CADM2: variants seen among roughly 807,000 people sequenced by gnomAD.
CADM2 encodes the protein immunoglobulin superfamily member 4D.
A neutral mutation model predicts 49.8 loss-of-function variants in CADM2; 12 were observed. That is an observed-to-expected ratio of 0.24 (90% confidence interval 0.15 to 0.39). The LOEUF is 0.39. CADM2 is among the 10% of genes least tolerant of loss of function. The pLI, the probability that CADM2 is intolerant of heterozygous loss-of-function variation, is 1.00. For synonymous variants in CADM2, 214 were observed against 175.4 expected, an observed-to-expected ratio of 1.22 and a Z score of -1.74; for missense variants, 378 against 492.3, an observed-to-expected ratio of 0.77 and a Z score of 2.20.
chr3:85,251,822 G>A (rs866461161), intron 1 of CADM2, among the ~76,000 whole-genome samples: 3 of 151,856 alleles, frequency 2.0e-5, no homozygotes, highest in Admixed American at 6.6e-5. Flanking sequence ...TTTTTATACC[G>A]AAAGCACTCA....
chr3:85,931,243 G>T (rs1158652543), intron 6 of CADM2, among the ~76,000 whole-genome samples: 3 of 151,804 alleles, frequency 2.0e-5, no homozygotes, highest in Non-Finnish European at 4.4e-5. Context: ...AAGAAAGTAA[G>T]AAAGAGATAA....
intron 1 of CADM2, among the ~76,000 whole-genome samples, chr3:85,212,812 C>CTCCTTCTTTCTTTCTT (rs1553696299): frequency 9.8e-6 from 1 of 102,542 alleles, no homozygotes; most frequent in Non-Finnish European, 2.0e-5. Context: ...TCTTTTTCTT[C>CTCCTTCTTTCTTTCTT]TCTTTCTTTC....
intron 7 of CADM2, among the ~76,000 whole-genome samples, chr3:85,939,504 A>ACACACACACAC (rs1721587998): frequency 3.9e-5 from 2 of 51,288 alleles, no homozygotes; most frequent in Admixed American, 2.1e-4. Flanking sequence ...CACACACACA[A>ACACACACACAC]CATGAAACCT....
At chr3:85,426,377 C>G (rs187186549) in intron 1 of CADM2, among the ~76,000 whole-genome samples, 1 of 152,246 alleles carries the variant, frequency 6.6e-6, no homozygotes, top group Admixed American at 6.5e-5. Flanking sequence ...AGAGACCCTA[C>G]TGCCTCTGCC....
At chr3:85,372,709 GAA>G (rs2033339443) in intron 1 of CADM2, among the ~76,000 whole-genome samples, 1 of 152,030 alleles carries the variant, frequency 6.6e-6, no homozygotes, top group Non-Finnish European at 1.5e-5. Flanking sequence ...AATTTATAAA[GAA>G]AAGAGATTTA....
At chr3:85,732,987 G>A (rs1043094307) in intron 2 of CADM2, among the ~76,000 whole-genome samples, 1 of 152,242 alleles carries the variant, frequency 6.6e-6, no homozygotes, top group Middle Eastern at 3.4e-3. Flanking sequence ...CACCCAGATG[G>A]GAGTAGGGTT....
In CADM2 at chr3:85,470,545, G is replaced by T. The variant is rs12491967; in HGVS notation, c.62-255977G>T. On this transcript the variant is annotated intron_variant, in intron 1 of 9. Transcript: ENST00000383699. Reference sequence around the variant, plus strand: ...GTCTGAAATGAAAACTATATGAATGGGTATCCTCCCAATTCTGGAAATGAT... The same window carrying T: ...GTCTGAAATGAAAACTATATGAATGTGTATCCTCCCAATTCTGGAAATGAT... 4.6e-5 allele frequency among the ~76,000 whole-genome samples: 7 copies of T among 152,150 alleles called. No homozygotes were observed. In the South Asian group the frequency reaches 1.5e-3, roughly 32 times the overall value.
At chr3:85,487,636 C>T (rs1413618182) in intron 1 of CADM2, among the ~76,000 whole-genome samples, 2 of 124,218 alleles carry the variant, frequency 1.6e-5, no homozygotes, top group South Asian at 2.5e-4. Context: ...AGGAGGAGGA[C>T]GAAGAGGAGG....
intron 3 of CADM2, among the ~76,000 whole-genome samples, chr3:85,818,003 TC>T (rs1188512465): frequency 1.3e-5 from 2 of 152,094 alleles, no homozygotes; most frequent in African/African-American, 4.8e-5. Flanking sequence ...TCATTTAAGG[TC>T]TTAAGCAGTT....
At chr3:85,811,185 G>T (rs1037933153) in intron 3 of CADM2, among the ~76,000 whole-genome samples, 1 of 152,088 alleles carries the variant, frequency 6.6e-6, no homozygotes, top group Admixed American at 6.6e-5. Context: ...GAAATTATAT[G>T]CCTACTTTTG....
At chr3:85,077,143 A>C (rs1462676281) in intron 1 of CADM2, among the ~76,000 whole-genome samples, 2 of 152,188 alleles carry the variant, frequency 1.3e-5, no homozygotes, top group South Asian at 2.1e-4. Flanking sequence ...TAATAGATCA[A>C]AGTGCTCTTT....
At position 85,481,229 on chromosome 3, in the gene CADM2, G is replaced by GATATATATATATAT. The variant is rs3086137; in HGVS notation, c.62-245288_62-245275dup. 2.2e-3 allele frequency among the ~76,000 whole-genome samples: 316 copies of GATATATATATATAT among 144,936 alleles called. 1 individual carries two copies. The highest frequency in any genetic ancestry group is 6.4e-3 in the African/African-American group (257 of 39,914). ...GCATATACACAAATTATATATATTG[G>GATATATATATATAT]ATATATATATATATATATGTTTTGT... On this transcript the variant is annotated intron_variant, in intron 1 of 9. Coordinates refer to ENST00000383699, the MANE Select transcript of CADM2 (RefSeq NM_001167675.2).
intron 2 of CADM2, among the ~76,000 whole-genome samples, chr3:85,768,806 CA>C (rs1427575606): frequency 9.9e-6 from 1 of 101,316 alleles, no homozygotes; most frequent in Non-Finnish European, 1.8e-5. Context: ...CACATATATA[CA>C]TATATAGTAT....
At chr3:85,822,028 A>G (rs2073609880) in intron 3 of CADM2, among the ~76,000 whole-genome samples, 1 of 152,320 alleles carries the variant, frequency 6.6e-6, no homozygotes, top group East Asian at 1.9e-4. Context: ...AAATGTCTAT[A>G]TGCATATTTA....
chr3:86,000,330 G>A (rs750074092), intron 8 of CADM2, among the ~76,000 whole-genome samples: 1 of 152,062 alleles, frequency 6.6e-6, no homozygotes, highest in Non-Finnish European at 1.5e-5. Context: ...GAAAAAGAGG[G>A]CTTAGTAGGA....
At position 85,381,045 on chromosome 3, in the gene CADM2, A is replaced by G. The variant is rs144257543; in HGVS notation, c.62-345477A>G. Among the ~76,000 whole-genome samples, 1,084 of 152,182 alleles carry G rather than the reference A, an allele frequency of 7.1e-3. 6 individuals carry two copies. The highest frequency in any genetic ancestry group is 0.011 in the Admixed American group (169 of 15,258). ...GTGTAGCTATGAAATCGTTAAATTAACAGAGCTAGTATTTACTAATAACCA... is the reference window on the plus strand; with the variant it reads ...GTGTAGCTATGAAATCGTTAAATTAGCAGAGCTAGTATTTACTAATAACCA... On this transcript the variant is annotated intron_variant, in intron 1 of 9. Transcript: ENST00000383699.
At chr3:85,598,780 T>A (rs2063315573) in intron 1 of CADM2, among the ~76,000 whole-genome samples, 1 of 151,950 alleles carries the variant, frequency 6.6e-6, no homozygotes, top group South Asian at 2.1e-4. Context: ...GGAAATTGTT[T>A]AATTGCCATT....
chr3:85,677,580 C>T (rs925635569), intron 1 of CADM2, among the ~76,000 whole-genome samples: 8 of 151,732 alleles, frequency 5.3e-5, no homozygotes, highest in African/African-American at 1.9e-4. Flanking sequence ...ATAAAGATTA[C>T]AATAAAATAT....
intron 8 of CADM2, among the ~76,000 whole-genome samples, chr3:86,009,515 C>T (rs894547519): frequency 4.6e-5 from 7 of 151,460 alleles, no homozygotes; most frequent in Non-Finnish European, 8.9e-5. Flanking sequence ...GCGATGAAAT[C>T]GTATTTTGTT....
Sources: gnomAD v4.1 joint callset for allele counts (sites outside exome capture counted in the v4.1 genomes callset) on GRCh38, gnomAD v4.1.1 for gene constraint, MANE v1.5 for transcripts, NCBI Gene and HGNC (gene_info 2026-07-23, HGNC 2026-07-21) for gene names.